Variants in COP1 observed in about 807,000 individuals in gnomAD.
COP1 encodes COP1 E3 ubiquitin ligase, also known as E3 ubiquitin-protein ligase COP1.
COP1 carries 24 observed loss-of-function variants against 101.3 expected under a neutral mutation model. The ratio of observed to expected loss-of-function variants is 0.24; its 90% confidence interval spans 0.17 to 0.33. The LOEUF is 0.33. Ranked by LOEUF, COP1 falls within the 10% of genes least tolerant of loss-of-function variation. The probability of loss-of-function intolerance (pLI) is 1.00; values close to 1 mark genes in which losing one functional copy is unlikely to be tolerated. For missense variants in COP1, 663 were observed against 906.2 expected (o/e 0.73, Z 3.45); for synonymous variants, 347 against 341.9 (o/e 1.01, Z -0.17).
intron 18 of COP1, among the ~76,000 whole-genome samples, chr1:175,961,161 C>T (rs1323829164): frequency 3.3e-5 from 5 of 152,206 alleles, no homozygotes; most frequent in Non-Finnish European, 5.9e-5. Context: ...ACTGGCCTCC[C>T]TGGCATATCA....
intron 15 of COP1, among the ~76,000 whole-genome samples, chr1:175,994,932 T>C (rs914992228): frequency 3.3e-5 from 5 of 152,012 alleles, no homozygotes; most frequent in South Asian, 2.1e-4. Context: ...CCCAAATCAA[T>C]AGAATATACA....
At chr1:175,953,352 T>G (rs977433697) in intron 18 of COP1, among the ~76,000 whole-genome samples, 1 of 151,860 alleles carries the variant, frequency 6.6e-6, no homozygotes, top group Non-Finnish European at 1.5e-5. Context: ...ATGACAGACA[T>G]AAAACCAACT....
At chr1:176,027,951 G>A (rs1259198871) in intron 14 of COP1, among the ~76,000 whole-genome samples, 2 of 150,962 alleles carry the variant, frequency 1.3e-5, no homozygotes, top group East Asian at 3.9e-4. Context: ...CGGCTGAGGA[G>A]GACTCACAAC....
chr1:175,994,619 AAACC>A (rs1294233003), intron 15 of COP1, among the ~76,000 whole-genome samples: 3 of 152,208 alleles, frequency 2.0e-5, no homozygotes, highest in African/African-American at 7.2e-5. Context: ...AACAGACTTT[AAACC>A]AACAAAGATC....
rs1205682841 is a variant in COP1 at position 175,944,935 on chromosome 1, T to A, written c.*218A>T. ...ACACCACCAAGAGCAGCAATGTCCA[T>A]GGAGTTACATTGATGGTGGAGAGTT... On this transcript the variant is annotated 3_prime_UTR_variant, in exon 20 of 20. Transcript: ENST00000367669. 2 of 506,560 alleles carry A rather than the reference T, an allele frequency of 3.9e-6. No homozygotes were observed. The highest frequency in any genetic ancestry group is 4.1e-5 in the African/African-American group (2 of 48,794). The allele number at this position is 506,560 out of a possible 1,614,324, so 31.4% of individuals were successfully genotyped here. A position where few individuals can be genotyped will look rare whatever the true frequency, so the allele number is the denominator to read the frequency against.
At chr1:175,992,690 G>A (rs984574666) in intron 15 of COP1, among the ~76,000 whole-genome samples, 1 of 152,226 alleles carries the variant, frequency 6.6e-6, no homozygotes, top group African/African-American at 2.4e-5. Flanking sequence ...AGCGAGGCTG[G>A]GGGAGGGGCA....
At chr1:176,175,830 G>C in intron 3 of COP1, 80 bp downstream of exon 3, 1 of 752,248 alleles carries the variant, frequency 1.3e-6, no homozygotes, top group Non-Finnish European at 2.2e-6. Context: ...ACTAAGGTAG[G>C]TTTTCTGAAT....
chr1:176,078,032 G>A (rs564016446), intron 11 of COP1, among the ~76,000 whole-genome samples: 3 of 152,282 alleles, frequency 2.0e-5, no homozygotes, highest in East Asian at 3.9e-4. Context: ...CCATAAGCAT[G>A]ATTTGGAAGA....
chr1:176,011,303 GAACT>G (rs777161813), intron 15 of COP1, among the ~76,000 whole-genome samples: 1 of 152,152 alleles, frequency 6.6e-6, no homozygotes, highest in Admixed American at 6.5e-5. Flanking sequence ...AATGTAGCTA[GAACT>G]AATACTGCAG....
At chr1:176,112,522 T>G (rs766164099) in intron 9 of COP1, among the ~76,000 whole-genome samples, 1 of 152,212 alleles carries the variant, frequency 6.6e-6, no homozygotes, top group Non-Finnish European at 1.5e-5. Flanking sequence ...TTAGGGTAAC[T>G]GGTATTTCTA....
chr1:176,163,364 A>C (rs1003924007), intron 4 of COP1, among the ~76,000 whole-genome samples: 2 of 152,202 alleles, frequency 1.3e-5, no homozygotes, highest in Admixed American at 6.5e-5. Flanking sequence ...AAAATTGAGA[A>C]TCTTTCAAAG....
intron 6 of COP1, among the ~76,000 whole-genome samples, chr1:176,143,548 G>A (rs2149791458): frequency 6.6e-6 from 1 of 152,014 alleles, no homozygotes; most frequent in East Asian, 1.9e-4. Flanking sequence ...CAAGATATGT[G>A]TAAGAAAAAA....
intron 15 of COP1, among the ~76,000 whole-genome samples, chr1:176,012,069 A>G (rs938140015): frequency 2.6e-5 from 4 of 152,100 alleles, no homozygotes; most frequent in Non-Finnish European, 5.9e-5. Context: ...CTTGTATCCC[A>G]GCAACTTGGG....
chr1:176,152,951 G>C (rs1199840261), intron 5 of COP1, among the ~76,000 whole-genome samples: 1 of 152,034 alleles, frequency 6.6e-6, no homozygotes, highest in Non-Finnish European at 1.5e-5. Context: ...AACTTCTAAA[G>C]GATATTCACT....
chr1:176,202,687 T>A (rs981329082), intron 1 of COP1, among the ~76,000 whole-genome samples: 29 of 151,608 alleles, frequency 1.9e-4, no homozygotes, highest in African/African-American at 6.3e-4. Context: ...AAAAAAAAAA[T>A]TGGAAACCAG....
intron 15 of COP1, among the ~76,000 whole-genome samples, chr1:175,998,554 T>C (rs1263647932): frequency 6.6e-6 from 1 of 152,004 alleles, no homozygotes; most frequent in Non-Finnish European, 1.5e-5. Flanking sequence ...AATTATCTTC[T>C]GTGAATGGAA....
At chr1:176,003,707 T>C (rs1378313999) in intron 15 of COP1, among the ~76,000 whole-genome samples, 3 of 152,144 alleles carry the variant, frequency 2.0e-5, no homozygotes, top group Admixed American at 1.3e-4. Flanking sequence ...TCCATTGATC[T>C]ATATTTCTGT....
chr1:176,156,455 T>C (rs1490074088), intron 5 of COP1, among the ~76,000 whole-genome samples: 1 of 152,126 alleles, frequency 6.6e-6, no homozygotes, highest in Non-Finnish European at 1.5e-5. Flanking sequence ...AATAATTATA[T>C]TAAATAAAAT....
intron 18 of COP1, among the ~76,000 whole-genome samples, chr1:175,972,748 A>C (rs1166005752): frequency 3.3e-5 from 5 of 151,260 alleles, no homozygotes; most frequent in Admixed American, 3.3e-4. Flanking sequence ...CTACAGGTGT[A>C]AGCCACTGCT....
Sources: gnomAD v4.1 joint callset for allele counts (sites outside exome capture counted in the v4.1 genomes callset) on GRCh38, gnomAD v4.1.1 for gene constraint, MANE v1.5 for transcripts, NCBI Gene and HGNC (gene_info 2026-07-23, HGNC 2026-07-21) for gene names.